The following OTOF variants were observed in gnomAD, a reference collection of about 807,000 sequenced individuals.
The protein encoded by OTOF is otoferlin, also known as fer-1-like family member 2.
OTOF carries 218 observed loss-of-function variants against 236.8 expected under a neutral mutation model. The ratio of observed to expected loss-of-function variants is 0.92; its 90% CI spans 0.82 to 1.03. OTOF has a LOEUF of 1.03. OTOF is among the 50% of genes least tolerant of loss of function. The pLI is 0.00. For synonymous variants in OTOF, 1,041 were observed against 1,072.5 expected (o/e 0.97, Z 0.57); for missense variants, 2,590 against 2,694.4 (o/e 0.96, Z 0.86).
At position 26,475,916 on chromosome 2, in the gene OTOF, C is replaced by T; in HGVS notation, c.2989G>A (p.Glu997Lys). The change falls in exon 24 of 47, where the codon GAG (glutamate) becomes AAG (lysine). Residue 997 changes from glutamate to lysine, a missense_variant and splice_region_variant. Glu to Lys is a moderately conservative substitution (Grantham distance 56). This residue lies in a region of OTOF where 1,379 missense variants were observed against 1,341.6 expected (regional missense o/e 1.03). Transcript: ENST00000272371. ...ACTCCCTCCTCCCAGGCCCTCACCT[C>T]TGTGCACTGACTCTGATTGATGAAG... ...VFFINQSQCT[E>K]VLNETLCPTW... 6.2e-7 allele frequency: 1 copy of T among 1,605,800 alleles called. No homozygotes were observed. Among genetic ancestry groups the T allele is most frequent in the Non-Finnish European group, 8.5e-7 (1 of 1,176,606 alleles).
chr2:26,472,539 T>C lies in OTOF; in HGVS notation c.3844A>G (p.Thr1282Ala), dbSNP rs2148039850. The change falls in exon 30 of 47, where the codon ACC becomes GCC. Residue 1282 changes from threonine to alanine, a missense_variant. Transcript: ENST00000272371. ...CTTACCGCGTCCAGCTTCACCATGG[T>C]CTCCAGTTTCTTGATGGGTACCTCT... is the stretch of plus-strand genomic sequence containing the variant. ...EPEVPIKKLE[T>A]MVKLDATSEA... 6.2e-7 allele frequency: 1 copy of C among 1,613,486 alleles called. No homozygotes were observed. The highest frequency in any genetic ancestry group is 8.5e-7 in the Non-Finnish European group (1 of 1,180,020).
intron 32 of OTOF, among the ~76,000 whole-genome samples, chr2:26,469,887 G>A (rs1274282434): frequency 6.6e-6 from 1 of 152,334 alleles, no homozygotes; most frequent in Non-Finnish European, 1.5e-5. Flanking sequence ...CACAACTGCA[G>A]GCATGTGTCC....
intron 1 of OTOF, among the ~76,000 whole-genome samples, chr2:26,542,840 G>A (rs1293098241): frequency 6.6e-6 from 1 of 152,166 alleles, no homozygotes; most frequent in Non-Finnish European, 1.5e-5. Context: ...AGGGGAAGGA[G>A]AAGGTCCTGG....
chr2:26,539,838 G>A (rs1388390813), intron 1 of OTOF, among the ~76,000 whole-genome samples: 1 of 152,190 alleles, frequency 6.6e-6, no homozygotes, highest in Non-Finnish European at 1.5e-5. Flanking sequence ...ACTGCACCTG[G>A]CTGAAAGACA....
Position 26,480,197 on chromosome 2 carries a change from A to C in OTOF, c.1912+6T>G, listed in dbSNP as rs757404557. The C allele has an allele frequency of 3.8e-6, 6 of 1,570,954 alleles. No individual in the cohort carries two copies. Among genetic ancestry groups the C allele is most frequent in the Non-Finnish European group, 5.3e-6 (6 of 1,141,438 alleles). ...GGCCCGAAGCCCCCGTGGGCCCAGC[A>C]CTCACCTATGGTGACCTCAAAGGTG... On this transcript the variant is annotated splice_donor_region_variant and intron_variant, in intron 16 of 46. Transcript: ENST00000272371.
At chr2:26,472,411 G>C (rs1395289552) in intron 30 of OTOF, 108 bp downstream of exon 30, 1 of 1,388,002 alleles carries the variant, frequency 7.2e-7, no homozygotes, top group African/African-American at 1.4e-5. Flanking sequence ...CATGCCAAAG[G>C]AGGCTCTTAG....
intron 2 of OTOF, among the ~76,000 whole-genome samples, chr2:26,530,546 G>C (rs114254945): frequency 6.6e-6 from 1 of 152,090 alleles, no homozygotes; most frequent in African/African-American, 2.4e-5. Flanking sequence ...CAGCTTCTTC[G>C]GTCTCTGACT....
chr2:26,518,849 T>C (rs1374529376), intron 4 of OTOF, among the ~76,000 whole-genome samples, 161 bp downstream of exon 4: 1 of 152,240 alleles, frequency 6.6e-6, no homozygotes, highest in African/African-American at 2.4e-5. Flanking sequence ...TGGCCACAGA[T>C]TGAGCCATTC....
At chr2:26,507,244 C>T (rs1666272343) in intron 5 of OTOF, among the ~76,000 whole-genome samples, 1 of 152,214 alleles carries the variant, frequency 6.6e-6, no homozygotes, top group Non-Finnish European at 1.5e-5. Context: ...CTCTGATTCT[C>T]CTAGACTTGC....
chr2:26,543,380 T>C (rs1220883749), intron 1 of OTOF, among the ~76,000 whole-genome samples: 2 of 152,170 alleles, frequency 1.3e-5, no homozygotes, highest in African/African-American at 4.8e-5. Context: ...GGGGTCATTA[T>C]CCTGGACCAG....
rs115745777 is a variant in OTOF at position 26,548,008 on chromosome 2, G to T, written c.80-10234C>A. Among the ~76,000 whole-genome samples, 1,264 of 152,118 alleles carry T rather than the reference G, an allele frequency of 8.3e-3. 19 individuals carry two copies. Among genetic ancestry groups the T allele is most frequent in the African/African-American group, 0.029 (1,206 of 41,486 alleles). ...GGATTTTCCATTTCTTTTTCTGTCA[G>T]TTTTGGTAAGTTGTTTTTCAAAAGA... On this transcript the variant is annotated intron_variant, in intron 1 of 46. Coordinates refer to ENST00000272371, the MANE Select transcript of OTOF (RefSeq NM_194248.3).
intron 13 of OTOF, among the ~76,000 whole-genome samples, chr2:26,483,184 C>T (rs1312883006): frequency 2.1e-5 from 3 of 145,680 alleles, no homozygotes; most frequent in Non-Finnish European, 4.5e-5. Flanking sequence ...AGTTGGTATG[C>T]GTGCGTGTAT....
rs1171095987 is a variant in OTOF, at chr2:26,461,695, C to T, written c.5533+1G>A. 17 of 1,613,892 alleles carry T rather than the reference C, an allele frequency of 1.1e-5. No homozygotes were observed. Among genetic ancestry groups the T allele is most frequent in the East Asian group, 4.5e-5 (2 of 44,882 alleles). Reference sequence around the variant, plus strand: ...ACCCCCATCCCTGCCCTGCTCTGCACCCAGGAAGTCGTCAGCGGAGAAGTG... The same window carrying T: ...ACCCCCATCCCTGCCCTGCTCTGCATCCAGGAAGTCGTCAGCGGAGAAGTG... On this transcript the variant is annotated splice_donor_variant, in intron 43 of 46. Coordinates refer to ENST00000272371, the MANE Select transcript of OTOF (RefSeq NM_194248.3). LOFTEE classifies it high-confidence loss of function. The surrounding 1 kb of genome is among the most constrained non-coding windows in gnomAD (Gnocchi z 6.2).
At chr2:26,521,778 A>T (rs1280855999) in intron 3 of OTOF, among the ~76,000 whole-genome samples, 1 of 152,220 alleles carries the variant, frequency 6.6e-6, no homozygotes, top group Non-Finnish European at 1.5e-5. Context: ...AGTCAGACAG[A>T]TGTGGGCTCA....
At chr2:26,551,042 T>G (rs1488503928) in intron 1 of OTOF, among the ~76,000 whole-genome samples, 1 of 152,032 alleles carries the variant, frequency 6.6e-6, no homozygotes, top group African/African-American at 2.4e-5. Context: ...CAGGCTGGAG[T>G]GCAGTGGCAC....
chr2:26,519,151 C>T, intron 3 of OTOF, 42 bp from the exon 4 acceptor site: 1 of 1,332,000 alleles, frequency 7.5e-7, no homozygotes, highest in East Asian at 2.4e-5. Context: ...ATGGAAGAGA[C>T]CAGGGTGAGG....
At chr2:26,459,529 G>A (rs1664353446) in intron 46 of OTOF, among the ~76,000 whole-genome samples, 2 of 148,218 alleles carry the variant, frequency 1.3e-5, no homozygotes, top group Admixed American at 6.7e-5. Flanking sequence ...TCTAGCCTGG[G>A]CGACAGAGCG....
intron 5 of OTOF, among the ~76,000 whole-genome samples, chr2:26,514,344 G>A (rs1037289482): frequency 6.6e-6 from 1 of 152,266 alleles, no homozygotes; most frequent in Non-Finnish European, 1.5e-5. Context: ...TACCCTGGGA[G>A]GGGCCACACG....
chr2:26,458,252 A>G, intron 46 of OTOF, 32 bp from the exon 47 acceptor site: 1 of 1,553,114 alleles, frequency 6.4e-7, no homozygotes, highest in Non-Finnish European at 8.7e-7. Flanking sequence ...CCGGTCAGCC[A>G]GTGGGCAGGA....
Sources: allele counts gnomAD v4.1 joint callset (sites outside exome capture counted in the v4.1 genomes callset), GRCh38; gene constraint gnomAD v4.1.1; regional missense constraint gnomAD v4.1.1; non-coding constraint Gnocchi (gnomAD v3.1); transcripts MANE v1.5; gene names NCBI Gene and HGNC (gene_info 2026-07-23, HGNC 2026-07-21).